The following TBCK variants were observed in gnomAD, a reference collection of about 807,000 sequenced individuals.
The protein encoded by TBCK is TBC domain-containing protein kinase-like protein.
In TBCK, 99 loss-of-function variants were observed where a neutral mutation model predicts 113.4. That is an observed-to-expected ratio of 0.87 (90% CI 0.74 to 1.03). The LOEUF (loss-of-function observed/expected upper bound fraction) is 1.03, where lower values mean the gene tolerates loss of function less well. Among genes scored for constraint, TBCK ranks in the 50% least tolerant of loss-of-function variants. The pLI is 0.00. For synonymous variants in TBCK, 369 were observed against 370.8 expected, an observed-to-expected ratio of 1.00 and a Z score of 0.05; for missense variants, 1,045 against 1,061.3, an observed-to-expected ratio of 0.98 and a Z score of 0.21.
At chr4:106,274,488 A>G (rs538845268) in intron 3 of TBCK, among the ~76,000 whole-genome samples, 1 of 152,368 alleles carries the variant, frequency 6.6e-6, no homozygotes, top group East Asian at 1.9e-4. Flanking sequence ...GTAGAAAATT[A>G]GCAATACAAA....
At chr4:106,130,053 T>C (rs1251772354) in intron 23 of TBCK, among the ~76,000 whole-genome samples, 2 of 152,190 alleles carry the variant, frequency 1.3e-5, no homozygotes, top group Non-Finnish European at 2.9e-5. Context: ...AACAGGTCTG[T>C]AGCTAATATC....
chr4:106,124,731 T>C (rs1161353875), intron 23 of TBCK, among the ~76,000 whole-genome samples: 6 of 152,120 alleles, frequency 3.9e-5, no homozygotes, highest in Middle Eastern at 6.8e-3. Flanking sequence ...AATCATCATT[T>C]TCAGTAAACT....
At chr4:106,223,321 CT>C (rs1304351608) in intron 19 of TBCK, among the ~76,000 whole-genome samples, 1 of 152,102 alleles carries the variant, frequency 6.6e-6, no homozygotes, top group Non-Finnish European at 1.5e-5. Context: ...TATACCCCAC[CT>C]TTGACAACTG....
At chr4:106,154,953 G>GTT (rs377755770) in intron 23 of TBCK, among the ~76,000 whole-genome samples, 2 of 146,002 alleles carry the variant, frequency 1.4e-5, no homozygotes, top group East Asian at 3.9e-4. Flanking sequence ...TTACTAGTGA[G>GTT]TTTTTTTTTT....
At chr4:106,316,648 G>GGGGT, upstream of TBCK, 3 of 1,533,058 alleles carry the variant, frequency 2.0e-6, no homozygotes, top group Non-Finnish European at 2.6e-6. Context: ...TGCGATCGTA[G>GGGGT]GGGTCTTCCT....
chr4:106,248,396 A>G (rs775400110), intron 8 of TBCK, 90 bp from the exon 9 acceptor site: 502 of 971,384 alleles, frequency 5.2e-4, no homozygotes, highest in Non-Finnish European at 7.1e-4. Context: ...GAAGTTTTTG[A>G]TGTTTTTAAA....
intron 23 of TBCK, among the ~76,000 whole-genome samples, chr4:106,142,702 G>A (rs758779134): frequency 1.3e-5 from 2 of 152,108 alleles, no homozygotes; most frequent in Non-Finnish European, 2.9e-5. Context: ...GAACTTTAAG[G>A]CTGCATAAGG....
intron 25 of TBCK, among the ~76,000 whole-genome samples, chr4:106,063,748 A>G (rs1289272021): frequency 6.6e-6 from 1 of 151,854 alleles, no homozygotes; most frequent in East Asian, 1.9e-4. Context: ...CTTCATGAAT[A>G]GAATTAGTAC....
chr4:106,290,669 C>A (rs191255856), intron 3 of TBCK, among the ~76,000 whole-genome samples: 1 of 152,208 alleles, frequency 6.6e-6, no homozygotes, highest in East Asian at 1.9e-4. Flanking sequence ...GTTCCCAACC[C>A]CCCCACCATG....
At chr4:106,140,669 G>T (rs1747065363) in intron 23 of TBCK, among the ~76,000 whole-genome samples, 1 of 139,660 alleles carries the variant, frequency 7.2e-6, no homozygotes, top group Admixed American at 7.1e-5. Flanking sequence ...ATTTAACTTT[G>T]GCTGAAAAAT....
At chr4:106,111,722 A>T (rs968455817) in intron 24 of TBCK, among the ~76,000 whole-genome samples, 2 of 152,238 alleles carry the variant, frequency 1.3e-5, no homozygotes, top group Non-Finnish European at 2.9e-5. Context: ...TAGAACCTGG[A>T]AAAGTACAGA....
intron 2 of TBCK, among the ~76,000 whole-genome samples, chr4:106,305,861 G>T (rs1767461406): frequency 6.6e-6 from 1 of 152,162 alleles, no homozygotes; most frequent in Non-Finnish European, 1.5e-5. Flanking sequence ...CAAATTCCAA[G>T]GCAACGTCAG....
At position 106,042,658 on chromosome 4, in the gene TBCK, T is replaced by C. The variant is rs192675496; in HGVS notation, c.*3912A>G. On this transcript the variant is annotated 3_prime_UTR_variant, in exon 26 of 26. Coordinates refer to ENST00000394708, the MANE Select transcript of TBCK (RefSeq NM_001163435.3). ...TCTTTTGAGATGCTATAGAATCCTT[T>C]TGATACTAATTCCCAAAGGAATATT... The C allele has an allele frequency of 6.6e-6, 1 of 152,330 alleles. No individual in the cohort carries two copies. The highest frequency in any genetic ancestry group is 6.5e-5 in the Admixed American group (1 of 15,302). The allele number at this position is 152,330 out of a possible 1,614,324, so 9.4% of individuals were successfully genotyped here. A position where few individuals can be genotyped will look rare whatever the true frequency, so the allele number is the denominator to read the frequency against.
chr4:106,101,954 C>T (rs1741605702), intron 24 of TBCK, among the ~76,000 whole-genome samples: 2 of 152,132 alleles, frequency 1.3e-5, no homozygotes, highest in Non-Finnish European at 2.9e-5. Context: ...TTTCTATTGC[C>T]TCCTTATAAA....
At position 106,250,434 on chromosome 4, in the gene TBCK, T is replaced by C; in HGVS notation, c.642A>G (p.Lys214=). 2 of 1,566,862 alleles carry C rather than the reference T, an allele frequency of 1.3e-6. No individual in the cohort carries two copies. The highest frequency in any genetic ancestry group is 2.7e-5 in the African/African-American group (2 of 73,398). The change falls in exon 7 of 26, where the codon AAA becomes AAG. Residue 214 remains lysine, a synonymous_variant. Coordinates refer to ENST00000394708, the MANE Select transcript of TBCK (RefSeq NM_001163435.3). ...GACACTTACCCAAAGTAAGCAAAAATTTTAGTCTTTCAGAAATATCCAAGC... is the reference window on the plus strand; with the variant it reads ...GACACTTACCCAAAGTAAGCAAAAACTTTAGTCTTTCAGAAATATCCAAGC... ...FQSLDISERL[K]FLLTLDCVDD... is the part of the protein sequence containing the mutation.
intron 22 of TBCK, among the ~76,000 whole-genome samples, chr4:106,174,074 A>G (rs1751340897): frequency 6.6e-6 from 1 of 152,072 alleles, no homozygotes; most frequent in Non-Finnish European, 1.5e-5. Context: ...CATTTGGGCA[A>G]GGATAGATGG....
intron 25 of TBCK, among the ~76,000 whole-genome samples, 186 bp from the exon 26 acceptor site, chr4:106,046,866 A>G (rs886140463): frequency 5.9e-5 from 9 of 152,136 alleles, no homozygotes; most frequent in African/African-American, 2.2e-4. Flanking sequence ...GACGCTGACA[A>G]TTTCTTTATC....
At chr4:106,227,080 T>C (rs1758326214) in intron 19 of TBCK, among the ~76,000 whole-genome samples, 1 of 152,122 alleles carries the variant, frequency 6.6e-6, no homozygotes, top group Non-Finnish European at 1.5e-5. Flanking sequence ...TTTCTTGAAT[T>C]AATCTCAACT....
At chr4:106,177,842 T>C (rs1751871097) in intron 22 of TBCK, among the ~76,000 whole-genome samples, 1 of 151,936 alleles carries the variant, frequency 6.6e-6, no homozygotes, top group South Asian at 2.1e-4. Context: ...ATTTTAGGAT[T>C]ATTTTTTCGA....
Sources: allele counts gnomAD v4.1 joint callset (sites outside exome capture counted in the v4.1 genomes callset), GRCh38; gene constraint gnomAD v4.1.1; transcripts MANE v1.5; gene names NCBI Gene and HGNC (gene_info 2026-07-23, HGNC 2026-07-21).